The following ZNF827 variants were observed in gnomAD, a reference collection of about 807,000 sequenced individuals.
ZNF827 encodes the protein zinc finger protein 827.
ZNF827 carries 13 observed loss-of-function variants against 102.4 expected under a neutral mutation model. That is an observed-to-expected ratio of 0.13 (90% CI 0.08 to 0.20). The LOEUF is 0.20. ZNF827 is among the 10% of genes least tolerant of loss of function. The pLI is 1.00. For synonymous variants in ZNF827, 523 were observed against 536.2 expected, an observed-to-expected ratio of 0.98 and a Z score of 0.34; for missense variants, 1,103 against 1,344.4, an observed-to-expected ratio of 0.82 and a Z score of 2.81.
At chr4:145,851,503 C>A (rs1230050287) in intron 5 of ZNF827, among the ~76,000 whole-genome samples, 1 of 151,210 alleles carries the variant, frequency 6.6e-6, no homozygotes, top group African/African-American at 2.4e-5. Context: ...GTTTATTGAC[C>A]GGTAGTTAAA....
In ZNF827 at chr4:145,937,252, C is replaced by T. The variant is rs551039687; in HGVS notation, c.43+1113G>A. 2.3e-3 allele frequency among the ~76,000 whole-genome samples: 353 copies of T among 151,440 alleles called. 4 individuals are homozygous for T. The highest frequency in any genetic ancestry group is 4.4e-3 in the Non-Finnish European group (297 of 67,750). ...CGCGGGTGGAGGAGGGGAAGGGGAC[C>T]GGGCCGTGCCGGCGGGTGTGTGTCT... is the stretch of plus-strand genomic sequence containing the variant. On this transcript the variant is annotated intron_variant, in intron 1 of 14. Transcript: ENST00000508784.
At chr4:145,774,296 G>A (rs1736703643) in intron 11 of ZNF827, among the ~76,000 whole-genome samples, 1 of 152,184 alleles carries the variant, frequency 6.6e-6, no homozygotes, top group South Asian at 2.1e-4. Context: ...GAACTTGGGA[G>A]TCTTTCAGAG....
intron 7 of ZNF827, among the ~76,000 whole-genome samples, chr4:145,837,554 C>T (rs947307974): frequency 1.4e-4 from 22 of 152,174 alleles, no homozygotes; most frequent in Admixed American, 2.0e-4. Context: ...CATACATGCC[C>T]TGCTCTTGTT....
At chr4:145,806,497 C>T (rs1741467817) in intron 8 of ZNF827, among the ~76,000 whole-genome samples, 1 of 152,006 alleles carries the variant, frequency 6.6e-6, no homozygotes, top group African/African-American at 2.4e-5. Flanking sequence ...GATATGCACA[C>T]CTCACAATCT....
intron 8 of ZNF827, among the ~76,000 whole-genome samples, chr4:145,795,528 A>T (rs1740295551): frequency 1.3e-5 from 2 of 152,244 alleles, no homozygotes; most frequent in South Asian, 4.1e-4. Flanking sequence ...CATCTGCAAT[A>T]ATTATGAATC....
intron 7 of ZNF827, among the ~76,000 whole-genome samples, chr4:145,825,529 C>G (rs1283254516): frequency 6.6e-6 from 1 of 152,174 alleles, no homozygotes; most frequent in Non-Finnish European, 1.5e-5. Flanking sequence ...TGTCGCCAGC[C>G]AGCAGCGACA....
chr4:145,879,967 T>C (rs917024014), intron 4 of ZNF827, among the ~76,000 whole-genome samples: 1 of 152,150 alleles, frequency 6.6e-6, no homozygotes, highest in East Asian at 1.9e-4. Flanking sequence ...GTGATCCCAG[T>C]TTCTCACATC....
chr4:145,842,950 A>C (rs1244708787), intron 7 of ZNF827, among the ~76,000 whole-genome samples: 1 of 152,196 alleles, frequency 6.6e-6, no homozygotes, highest in Admixed American at 6.5e-5. Context: ...GTTTGATGTA[A>C]ATCTTTTTGA....
chr4:145,868,461 A>G (rs1265901762), intron 5 of ZNF827, among the ~76,000 whole-genome samples: 1 of 152,238 alleles, frequency 6.6e-6, no homozygotes, highest in Non-Finnish European at 1.5e-5. Context: ...GACGTCATCC[A>G]TTCAACTATT....
intron 7 of ZNF827, among the ~76,000 whole-genome samples, chr4:145,837,917 C>T (rs1285573719): frequency 6.6e-6 from 1 of 152,186 alleles, no homozygotes; most frequent in Non-Finnish European, 1.5e-5. Context: ...GGTTCCCACG[C>T]CGCCCCTAAT....
At position 145,761,337 on chromosome 4, in the gene ZNF827, G is replaced by A; in HGVS notation, c.*279C>T. The A allele has an allele frequency of 4.7e-6, 6 of 1,289,984 alleles. No homozygotes were observed. Among genetic ancestry groups the A allele is most frequent in the Non-Finnish European group, 6.1e-6 (6 of 988,898 alleles). The allele number at this position is 1,289,984 out of a possible 1,614,324, so 79.9% of individuals were successfully genotyped here. The stretch of plus-strand genomic sequence containing the variant: ...TGTCCTTGCGCTTGCAGCTGTAGCT[G>A]CACTGGTCACAGTGGAAGGGCCGCT... On this transcript the variant is annotated 3_prime_UTR_variant, in exon 15 of 15. Coordinates refer to ENST00000508784, the MANE Select transcript of ZNF827 (RefSeq NM_001306215.2). This position sits in a 1 kb window ranked among gnomAD's most constrained non-coding sequence, Gnocchi z 6.8.
At chr4:145,779,655 G>T in intron 8 of ZNF827, 144 bp from the exon 9 acceptor site, 1 of 1,181,386 alleles carries the variant, frequency 8.5e-7, no homozygotes, top group African/African-American at 1.6e-5. Flanking sequence ...TGGTTTTCCT[G>T]CTCATTTCCT....
intron 5 of ZNF827, among the ~76,000 whole-genome samples, chr4:145,850,456 C>T (rs569518539): frequency 1.0e-3 from 152 of 152,238 alleles, no homozygotes; most frequent in African/African-American, 3.6e-3. Context: ...TTAACTGCAG[C>T]CCAAGGAGCA....
chr4:145,821,843 G>C (rs914635862), intron 8 of ZNF827, among the ~76,000 whole-genome samples: 1 of 152,094 alleles, frequency 6.6e-6, no homozygotes, highest in African/African-American at 2.4e-5. Flanking sequence ...TCACTCTTTA[G>C]GTCAAGTTTT....
chr4:145,904,982 G>A (rs1330204402), intron 1 of ZNF827, among the ~76,000 whole-genome samples: 2 of 152,206 alleles, frequency 1.3e-5, no homozygotes, highest in Admixed American at 6.5e-5. Flanking sequence ...GGATTATGAA[G>A]GCTCAGCTCA....
chr4:145,837,615 T>C (rs1375979791), intron 7 of ZNF827, among the ~76,000 whole-genome samples: 2 of 152,214 alleles, frequency 1.3e-5, no homozygotes, highest in Non-Finnish European at 1.5e-5. Flanking sequence ...TGATATCTCC[T>C]GGTGCTATCC....
intron 5 of ZNF827, among the ~76,000 whole-genome samples, chr4:145,868,983 C>T (rs890554904): frequency 2.6e-5 from 4 of 152,198 alleles, no homozygotes; most frequent in Admixed American, 2.6e-4. Flanking sequence ...AATGTGTTCA[C>T]TTGAACATCC....
At chr4:145,931,445 A>G (rs995573635) in intron 1 of ZNF827, among the ~76,000 whole-genome samples, 13 of 152,362 alleles carry the variant, frequency 8.5e-5, no homozygotes, top group Middle Eastern at 3.4e-3. Context: ...ACATCCTACC[A>G]TAACTAGGCC....
chr4:145,781,468 G>T (rs996358412), intron 8 of ZNF827, among the ~76,000 whole-genome samples: 1 of 152,116 alleles, frequency 6.6e-6, no homozygotes, highest in Non-Finnish European at 1.5e-5. Context: ...AATAATGTTC[G>T]CTGTGAGGCA....
Sources: allele counts gnomAD v4.1 joint callset (sites outside exome capture counted in the v4.1 genomes callset), GRCh38; gene constraint gnomAD v4.1.1; non-coding constraint Gnocchi (gnomAD v3.1); transcripts MANE v1.5; gene names NCBI Gene and HGNC (gene_info 2026-07-23, HGNC 2026-07-21).